Variants in SH3BP2 observed in about 807,000 individuals in gnomAD.
SH3BP2 encodes the protein SH3 domain binding protein 2.
In SH3BP2, 38 loss-of-function variants were observed where a neutral mutation model predicts 56.2. The ratio of observed to expected loss-of-function variants is 0.68; its 90% CI spans 0.52 to 0.89. The LOEUF is 0.89. Among genes scored for constraint, SH3BP2 ranks in the 40% least tolerant of loss-of-function variants. The pLI is 0.00. For synonymous variants in SH3BP2, 346 were observed against 316.7 expected (o/e 1.09, Z -0.98); for missense variants, 748 against 762.6 (o/e 0.98, Z 0.23).
At chr4:2,820,550 G>C in intron 1 of SH3BP2, 64 bp from the exon 2 acceptor site, 3 of 1,601,290 alleles carry the variant, frequency 1.9e-6, no homozygotes, top group Non-Finnish European at 2.6e-6. Context: ...CCCCCTGAGC[G>C]CCCTGGCTCA....
At chr4:2,833,204 A>C (rs1340736659) in intron 12 of SH3BP2, 155 bp downstream of exon 12, 17 of 678,426 alleles carry the variant, frequency 2.5e-5, no homozygotes, top group African/African-American at 1.2e-4. Context: ...CTCACCCCCC[A>C]CCCCTCCTGC....
At chr4:2,833,409 G>A in intron 12 of SH3BP2, 1 of 581,644 alleles carries the variant, frequency 1.7e-6, no homozygotes, top group Non-Finnish European at 3.1e-6. Context: ...ACAGTGCTGG[G>A]ATTACAGGCG....
intron 4 of SH3BP2, 170 bp from the exon 5 acceptor site, chr4:2,824,956 G>A: frequency 1.4e-6 from 1 of 717,932 alleles, no homozygotes; most frequent in South Asian, 1.6e-5. Context: ...TGCTGTCCTG[G>A]GAGGTGCCCC....
chr4:2,823,190 CT>C (rs773512033), intron 3 of SH3BP2, among the ~76,000 whole-genome samples, 153 bp downstream of exon 3: 4 of 152,246 alleles, frequency 2.6e-5, no homozygotes, highest in Non-Finnish European at 4.4e-5. Flanking sequence ...CCCGCCCAGC[CT>C]CCACAGTGCC....
At chr4:2,796,351 C>A in intron 1 of SH3BP2, 1 of 955,664 alleles carries the variant, frequency 1.0e-6, no homozygotes, top group Non-Finnish European at 1.2e-6. Context: ...GTGCCCTCCC[C>A]CAACCTTCTC....
intron 1 of SH3BP2, chr4:2,799,352 C>G (rs1038723803): frequency 1.0e-5 from 10 of 961,964 alleles, no homozygotes; most frequent in Non-Finnish European, 1.1e-5. Context: ...GGGCAGTGGC[C>G]ACCTCTGAGC....
chr4:2,820,728 C>T lies in SH3BP2; in HGVS notation c.111C>T (p.Gly37=), dbSNP rs368597046. 1.4e-5 allele frequency: 23 copies of T among 1,613,766 alleles called. 1 individual carries two copies. Among genetic ancestry groups the T allele is most frequent in the Middle Eastern group, 1.6e-4 (1 of 6,078 alleles). ...VAKAGYLHKK[G]GTQLQLLKWP... ...AGGCTGGCTACCTGCACAAGAAGGGCGGTACCCAGCTGCAGCTGCTGAAAT... is the reference window on the plus strand; with the variant it reads ...AGGCTGGCTACCTGCACAAGAAGGGTGGTACCCAGCTGCAGCTGCTGAAAT... The change falls in exon 2 of 13, where the codon GGC becomes GGT. Residue 37 remains glycine, a synonymous_variant. Coordinates refer to ENST00000503393, the MANE Select transcript of SH3BP2 (RefSeq NM_001122681.2).
At chr4:2,805,369 G>C (rs1391498140) in intron 1 of SH3BP2, among the ~76,000 whole-genome samples, 3 of 152,214 alleles carry the variant, frequency 2.0e-5, no homozygotes, top group African/African-American at 4.8e-5. Flanking sequence ...AGCCCCTGGA[G>C]TGCCCCCCTC....
intron 12 of SH3BP2, 36 bp downstream of exon 12, chr4:2,833,085 G>T: frequency 2.5e-6 from 4 of 1,589,294 alleles, no homozygotes; most frequent in East Asian, 2.2e-5. Flanking sequence ...GACCCTGGCC[G>T]CATGGCCTGG....
chr4:2,803,678 C>A (rs367701665), intron 1 of SH3BP2, among the ~76,000 whole-genome samples: 11 of 152,146 alleles, frequency 7.2e-5, no homozygotes, highest in African/African-American at 2.2e-4. Context: ...TAACTAAGAC[C>A]CACCTCTGTC....
intron 1 of SH3BP2, among the ~76,000 whole-genome samples, chr4:2,812,722 AC>A (rs948946866): frequency 4.8e-4 from 63 of 130,774 alleles, no homozygotes; most frequent in African/African-American, 1.5e-3. Context: ...GATACTTAGA[AC>A]CCCCCCCACC....
chr4:2,826,694 C>CTG (rs374653238), intron 5 of SH3BP2: 58 of 336,546 alleles, frequency 1.7e-4, no homozygotes, highest in Middle Eastern at 1.0e-3. Flanking sequence ...TCATGTTGCT[C>CTG]TGTGTGTGTG....
At position 2,828,760 on chromosome 4, in the gene SH3BP2, G is replaced by A. The variant is rs575268974; in HGVS notation, c.587-733G>A. Among the ~76,000 whole-genome samples, 75 of 152,114 alleles carry A rather than the reference G, an allele frequency of 4.9e-4. 1 individual carries two copies. Among genetic ancestry groups the A allele is most frequent in the African/African-American group, 1.6e-3 (66 of 41,500 alleles). ...TCATCCTCTCCCCGAGACATTTCTC[G>A]TCCAGGACGCCTGTGGCCTCCCCAT... On this transcript the variant is annotated intron_variant, in intron 7 of 12. Coordinates refer to ENST00000503393, the MANE Select transcript of SH3BP2 (RefSeq NM_001122681.2).
Position 2,810,743 on chromosome 4 carries a change from A to C in SH3BP2, c.-4-9871A>C, listed in dbSNP as rs7677070. On this transcript the variant is annotated intron_variant, in intron 1 of 12. Coordinates refer to ENST00000503393, the MANE Select transcript of SH3BP2 (RefSeq NM_001122681.2). This position sits in a 1 kb window ranked among gnomAD's most constrained non-coding sequence, Gnocchi z 4.2. ...CTCTGGGAGGCGTTCCCCAGTCCAG[A>C]ACCCACAGGGCCTGGTCCCTCCTCT... 0.052 allele frequency among the ~76,000 whole-genome samples: 7,905 copies of C among 152,100 alleles called. 390 individuals are homozygous for C. Among genetic ancestry groups the C allele is most frequent in the African/African-American group, 0.12 (4,784 of 41,510 alleles).
At chr4:2,830,453 C>T (rs932395772) in intron 8 of SH3BP2, among the ~76,000 whole-genome samples, 2 of 152,224 alleles carry the variant, frequency 1.3e-5, no homozygotes, top group African/African-American at 2.4e-5. Context: ...CCTCCACCTC[C>T]GGGGTTCAGG....
chr4:2,832,277 G>A (rs1035475162), intron 10 of SH3BP2, 54 bp from the exon 11 acceptor site: 19 of 1,442,202 alleles, frequency 1.3e-5, no homozygotes, highest in African/African-American at 1.1e-4. Context: ...GGGAAGGTCC[G>A]TGTGAAAGCT....
intron 1 of SH3BP2, chr4:2,812,238 G>A (rs1723777541): frequency 2.6e-6 from 4 of 1,521,926 alleles, no homozygotes; most frequent in African/African-American, 1.4e-5. Flanking sequence ...TGCCCAGGGA[G>A]CAGGGAACAG....
Position 2,827,621 on chromosome 4 carries a change from A to T in SH3BP2, c.533A>T (p.Asp178Val). ...PTDNEDYEHDDEDDSYLEPDS... is the reference protein window; with the variant it reads ...PTDNEDYEHDVEDDSYLEPDS... ...CCCCATGCAGACTATGAGCACGACG[A>T]TGAGGATGACTCCTACCTGGAGCCT... Residue 178 changes from aspartate (D) to valine (V), a missense_variant, in exon 7 of 13, where the codon GAT (aspartate) becomes GTT (valine). This residue lies in a region of SH3BP2 where 635 missense variants were observed against 615.0 expected (regional missense o/e 1.03). Transcript: ENST00000503393. 1 of 1,493,398 alleles carries T rather than the reference A, an allele frequency of 6.7e-7. No homozygotes were observed. Among genetic ancestry groups the T allele is most frequent in the Non-Finnish European group, 9.1e-7 (1 of 1,104,666 alleles). 92.5% of individuals were successfully genotyped at this position (1,493,398 alleles called of 1,614,324 possible).
chr4:2,820,591 C>T (rs748941245), intron 1 of SH3BP2, 23 bp from the exon 2 acceptor site: 34 of 1,613,996 alleles, frequency 2.1e-5, no homozygotes, highest in African/African-American at 2.7e-5. Context: ...AGCTGAGCCA[C>T]GTGCCTTTGT....
Sources: allele counts gnomAD v4.1 joint callset (sites outside exome capture counted in the v4.1 genomes callset), GRCh38; gene constraint gnomAD v4.1.1; regional missense constraint gnomAD v4.1.1; non-coding constraint Gnocchi (gnomAD v3.1); transcripts MANE v1.5; gene names NCBI Gene and HGNC (gene_info 2026-07-23, HGNC 2026-07-21).